The following CNTN6 variants were observed in gnomAD, a reference collection of about 807,000 sequenced individuals.
CNTN6 encodes the protein contactin 6, also known as contactin-6.
A neutral mutation model predicts 122.8 loss-of-function variants in CNTN6; 137 were observed. That is an observed-to-expected ratio of 1.12 (90% confidence interval 0.97 to 1.29). The LOEUF (loss-of-function observed/expected upper bound fraction) is 1.29. Among genes scored for constraint, CNTN6 ranks in the 50% most tolerant of loss-of-function variants. CNTN6 has a pLI of 0.00. For synonymous variants in CNTN6, 570 were observed against 426.0 expected, an observed-to-expected ratio of 1.34 and a Z score of -4.16; for missense variants, 1,634 against 1,223.4, an observed-to-expected ratio of 1.34 and a Z score of -5.01.
intron 11 of CNTN6, among the ~76,000 whole-genome samples, chr3:1,351,253 A>G (rs1394584665): frequency 6.6e-6 from 1 of 151,952 alleles, no homozygotes; most frequent in East Asian, 1.9e-4. Flanking sequence ...TTATACATAT[A>G]TTAGAAACAA....
At chr3:1,156,286 T>TTTTCTCCTG (rs2092960375) in intron 2 of CNTN6, among the ~76,000 whole-genome samples, 2 of 152,218 alleles carry the variant, frequency 1.3e-5, no homozygotes, top group Non-Finnish European at 2.9e-5. Context: ...CCCAGTAACA[T>TTTTCTCCTG]ATTCTTCCAT....
At chr3:1,386,396 T>C (rs1177308286) in intron 20 of CNTN6, among the ~76,000 whole-genome samples, 1 of 152,192 alleles carries the variant, frequency 6.6e-6, no homozygotes, top group Non-Finnish European at 1.5e-5. Flanking sequence ...GAATGAACTC[T>C]TCTGTTTTGT....
chr3:1,128,875 T>C (rs1243097637), intron 1 of CNTN6, among the ~76,000 whole-genome samples: 1 of 152,052 alleles, frequency 6.6e-6, no homozygotes, highest in Non-Finnish European at 1.5e-5. Flanking sequence ...GTTCAAGCTT[T>C]CTGAGTACTA....
At chr3:1,134,379 C>T (rs1574971069) in intron 1 of CNTN6, among the ~76,000 whole-genome samples, 2 of 152,130 alleles carry the variant, frequency 1.3e-5, no homozygotes, top group East Asian at 3.9e-4. Context: ...GTTCTTTCCA[C>T]TGAGCTAGTC....
chr3:1,384,796 T>TATACAC (rs1224742660), intron 19 of CNTN6, among the ~76,000 whole-genome samples: 1 of 133,788 alleles, frequency 7.5e-6, no homozygotes, highest in African/African-American at 2.8e-5. Flanking sequence ...TATATATATA[T>TATACAC]ACACACACAC....
chr3:1,263,282 C>G (rs141816093), intron 4 of CNTN6, among the ~76,000 whole-genome samples: 1,584 of 152,292 alleles, frequency 0.01, 109 homozygotes, highest in Admixed American at 0.092. Context: ...AAAGCCCAAA[C>G]ATTTTCCTTC....
chr3:1,233,567 CT>C (rs775389931), intron 4 of CNTN6, among the ~76,000 whole-genome samples: 4 of 151,652 alleles, frequency 2.6e-5, no homozygotes, highest in Non-Finnish European at 4.4e-5. Context: ...AACCACGTCT[CT>C]ATAAAAAATA....
chr3:1,189,216 A>G (rs1320875313), intron 2 of CNTN6, among the ~76,000 whole-genome samples: 1 of 152,166 alleles, frequency 6.6e-6, no homozygotes, highest in Non-Finnish European at 1.5e-5. Flanking sequence ...GTGCCATAAG[A>G]GACAAAATAG....
At chr3:1,297,636 T>C (rs964641103) in intron 6 of CNTN6, among the ~76,000 whole-genome samples, 1 of 127,708 alleles carries the variant, frequency 7.8e-6, no homozygotes, top group Non-Finnish European at 1.7e-5. Context: ...TGTTGTTTTT[T>C]TCTTTTTTTT....
At chr3:1,288,083 T>G (rs901119010) in intron 5 of CNTN6, among the ~76,000 whole-genome samples, 1 of 152,172 alleles carries the variant, frequency 6.6e-6, no homozygotes, top group Non-Finnish European at 1.5e-5. Flanking sequence ...GGGTTTGCCT[T>G]GAGACAGCTG....
chr3:1,271,430 C>G (rs981576798), intron 4 of CNTN6, among the ~76,000 whole-genome samples: 8 of 152,128 alleles, frequency 5.3e-5, no homozygotes, highest in African/African-American at 1.4e-4. Context: ...CCCAATATTT[C>G]ATTCTAAGGT....
chr3:1,288,141 C>T (rs965917400), intron 5 of CNTN6, among the ~76,000 whole-genome samples: 2 of 152,100 alleles, frequency 1.3e-5, no homozygotes, highest in Admixed American at 6.5e-5. Flanking sequence ...ACAACCAGTT[C>T]TATAGTTATT....
intron 2 of CNTN6, among the ~76,000 whole-genome samples, chr3:1,169,455 A>G (rs995726390): frequency 3.9e-5 from 6 of 152,178 alleles, no homozygotes; most frequent in African/African-American, 1.4e-4. Context: ...GTTTGACTGC[A>G]TATTTAGCTT....
chr3:1,271,494 T>C (rs2095026150), intron 4 of CNTN6, among the ~76,000 whole-genome samples: 1 of 152,206 alleles, frequency 6.6e-6, no homozygotes, highest in South Asian at 2.1e-4. Context: ...CAAAATCTGG[T>C]AGTGGTGATG....
At position 1,187,544 on chromosome 3, in the gene CNTN6, C is replaced by T. The variant is rs78990087; in HGVS notation, c.56-33143C>T. On this transcript the variant is annotated intron_variant, in intron 2 of 22. Transcript: ENST00000446702. ...GCATAAATTCTGTAGTTTCCCTCCT[C>T]TAGCCCAGCAGGTGTCTGGGTTTCA... Among the ~76,000 whole-genome samples the T allele has an allele frequency of 3.1e-3, 475 of 152,246 alleles. 1 individual carries two copies. The highest frequency in any genetic ancestry group is 5.7e-3 in the Non-Finnish European group (387 of 68,018).
intron 7 of CNTN6, among the ~76,000 whole-genome samples, chr3:1,299,225 T>G (rs1210962224): frequency 1.3e-5 from 2 of 152,166 alleles, no homozygotes; most frequent in Non-Finnish European, 2.9e-5. Context: ...TTACATCAGT[T>G]TTTAATTGTC....
chr3:1,362,634 G>A (rs1453497405), intron 12 of CNTN6, among the ~76,000 whole-genome samples: 2 of 151,858 alleles, frequency 1.3e-5, no homozygotes, highest in Non-Finnish European at 2.9e-5. Context: ...AAATGGGAAA[G>A]ACAGAAAGTA....
At chr3:1,203,924 C>T (rs1380460984) in intron 2 of CNTN6, among the ~76,000 whole-genome samples, 1 of 152,110 alleles carries the variant, frequency 6.6e-6, no homozygotes, top group Non-Finnish European at 1.5e-5. Flanking sequence ...CAGTTGTCTG[C>T]AGTACTCAGT....
intron 4 of CNTN6, among the ~76,000 whole-genome samples, chr3:1,262,609 T>C (rs184626187): frequency 6.1e-4 from 92 of 151,720 alleles, no homozygotes; most frequent in South Asian, 1.2e-3. Flanking sequence ...ATAATCATTG[T>C]AGCAGAAATT....
Sources: allele counts gnomAD v4.1 joint callset (sites outside exome capture counted in the v4.1 genomes callset), GRCh38; gene constraint gnomAD v4.1.1; transcripts MANE v1.5; gene names NCBI Gene and HGNC (gene_info 2026-07-23, HGNC 2026-07-21).